The following CHSY3 variants were observed in gnomAD, a reference collection of about 807,000 sequenced individuals.
CHSY3 encodes chondroitin sulfate synthase 3, also known as N-acetylgalactosaminyl-proteoglycan 3-beta-glucuronosyltransferase 3.
Under a neutral mutation model 67.2 loss-of-function variants are expected in CHSY3, and 35 were observed. The ratio of observed to expected loss-of-function variants is 0.52; its 90% confidence interval spans 0.40 to 0.69. CHSY3 has a LOEUF of 0.69. Ranked by LOEUF, CHSY3 falls within the 30% of genes least tolerant of loss-of-function variation. The pLI is 0.00. For missense variants in CHSY3, 1,069 were observed against 1,138.5 expected (o/e 0.94, Z 0.88); for synonymous variants, 474 against 434.7 (o/e 1.09, Z -1.12).
At chr5:130,000,677 A>G (rs917587860) in intron 2 of CHSY3, among the ~76,000 whole-genome samples, 8 of 142,130 alleles carry the variant, frequency 5.6e-5, no homozygotes, top group Admixed American at 1.4e-4. Flanking sequence ...GCCTCAAGCC[A>G]TCCTCTCACC....
At chr5:130,126,218 C>T (rs867754404) in intron 2 of CHSY3, among the ~76,000 whole-genome samples, 1 of 151,668 alleles carries the variant, frequency 6.6e-6, no homozygotes, top group Non-Finnish European at 1.5e-5. Flanking sequence ...GATTTCCTGC[C>T]GAATGGCCTC....
intron 2 of CHSY3, among the ~76,000 whole-genome samples, chr5:129,990,066 C>A (rs1763316049): frequency 6.6e-6 from 1 of 151,864 alleles, no homozygotes; most frequent in African/African-American, 2.4e-5. Flanking sequence ...ATGATTAAAT[C>A]TTTTATTCCC....
intron 2 of CHSY3, among the ~76,000 whole-genome samples, chr5:130,110,883 T>C (rs1767572442): frequency 6.6e-6 from 1 of 151,896 alleles, no homozygotes; most frequent in South Asian, 2.1e-4. Flanking sequence ...GAACAGTCTT[T>C]TGCTTTTGTT....
intron 2 of CHSY3, among the ~76,000 whole-genome samples, chr5:130,062,137 C>T (rs1765734839): frequency 6.6e-6 from 1 of 151,954 alleles, no homozygotes; most frequent in Admixed American, 6.6e-5. Context: ...AGTGATAGAA[C>T]CAACCTAAGT....
chr5:130,018,524 T>A (rs939798647), intron 2 of CHSY3, among the ~76,000 whole-genome samples: 4 of 152,236 alleles, frequency 2.6e-5, no homozygotes, highest in African/African-American at 9.6e-5. Flanking sequence ...GCTGTGGCTT[T>A]TATGCTTCTA....
At chr5:130,042,272 C>T (rs1198331759) in intron 2 of CHSY3, among the ~76,000 whole-genome samples, 2 of 152,050 alleles carry the variant, frequency 1.3e-5, no homozygotes, top group African/African-American at 4.8e-5. Context: ...TACAGGATAT[C>T]ATTGCTACCT....
rs1425012993 is a variant in CHSY3, at chr5:129,908,332, G to T, written c.1058G>T (p.Gly353Val). 8.1e-6 allele frequency: 13 copies of T among 1,613,900 alleles called. No individual in the cohort carries two copies. Among genetic ancestry groups the T allele is most frequent in the Non-Finnish European group, 1.1e-5 (13 of 1,179,886 alleles). ...GTAGGAAGATGCGTTCGCCGTTTTG[G>T]TGGGACTCAGTGTGTCTGGTCTTAC... Reference protein sequence around the residue: ...VEVGRCVRRFGGTQCVWSYEM... With the variant: ...VEVGRCVRRFVGTQCVWSYEM... The change falls in exon 2 of 3, where the codon GGT becomes GTT. Residue 353 changes from glycine to valine, a missense_variant. Around this residue, in one of 5 missense-constraint regions of CHSY3, gnomAD observed 216 missense variants for 311.5 expected, o/e 0.69. Transcript: ENST00000305031.
intron 2 of CHSY3, among the ~76,000 whole-genome samples, chr5:130,080,037 TACACACAC>T (rs35994744): frequency 6.3e-5 from 9 of 143,416 alleles, no homozygotes; most frequent in African/African-American, 1.3e-4. Flanking sequence ...CACCTGAACA[TACACACAC>T]ACACACACAC....
intron 2 of CHSY3, chr5:130,140,624 G>T: frequency 2.4e-6 from 1 of 411,552 alleles, no homozygotes. Context: ...CCTGGGAGAT[G>T]GCACTTTTGA....
chr5:130,099,806 AAT>A (rs1767169150), intron 2 of CHSY3, among the ~76,000 whole-genome samples: 1 of 152,204 alleles, frequency 6.6e-6, no homozygotes, highest in Non-Finnish European at 1.5e-5. Flanking sequence ...TATGGCACAT[AAT>A]ATGTCAGTCC....
Position 130,185,593 on chromosome 5 carries a change from T to A in CHSY3, c.2451T>A (p.Ser817=), listed in dbSNP as rs1259319254. The change falls in exon 3 of 3, where the codon TCT becomes TCA. Residue 817 remains serine, a synonymous_variant. Transcript: ENST00000305031. ...ATCTCTACAATAAAGTCATTCTATCTGGCTTAAGGCCATTCAGAAGCCAAG... is the reference window on the plus strand; with the variant it reads ...ATCTCTACAATAAAGTCATTCTATCAGGCTTAAGGCCATTCAGAAGCCAAG... ...DVDLYNKVIL[S]GLRPFRSQEV... The A allele has an allele frequency of 3.1e-6, 5 of 1,613,316 alleles. No individual in the cohort carries two copies. The highest frequency in any genetic ancestry group is 4.2e-6 in the Non-Finnish European group (5 of 1,179,706).
intron 2 of CHSY3, among the ~76,000 whole-genome samples, chr5:130,013,469 A>G (rs888629636): frequency 6.6e-6 from 1 of 152,106 alleles, no homozygotes; most frequent in Non-Finnish European, 1.5e-5. Context: ...AGGCATTTCC[A>G]TACATCCTCT....
rs189979718 is a variant in CHSY3, at chr5:129,941,124, C to T, written c.1086+32764C>T. On this transcript the variant is annotated intron_variant, in intron 2 of 2. Coordinates refer to ENST00000305031, the MANE Select transcript of CHSY3 (RefSeq NM_175856.5). ...TGATCCCATGTGGTCCCAGCTATTC[C>T]GGAGGCTGAAGTGAGAGGATTGCAT... Among the ~76,000 whole-genome samples the T allele has an allele frequency of 5.3e-4, 80 of 152,154 alleles. 1 individual carries two copies. The highest frequency in any genetic ancestry group is 4.8e-3 in the Admixed American group (73 of 15,276).
intron 2 of CHSY3, among the ~76,000 whole-genome samples, chr5:130,046,144 A>G (rs939920189): frequency 1.6e-4 from 24 of 152,154 alleles, no homozygotes; most frequent in Non-Finnish European, 7.3e-5. Flanking sequence ...AGGCTACTTT[A>G]TTAATATCAC....
At chr5:129,945,701 A>T (rs1216158353) in intron 2 of CHSY3, among the ~76,000 whole-genome samples, 2 of 152,136 alleles carry the variant, frequency 1.3e-5, no homozygotes, top group Non-Finnish European at 2.9e-5. Flanking sequence ...AGGATTTCTC[A>T]CTTATTTTTT....
At chr5:130,113,111 C>A (rs7446323) in intron 2 of CHSY3, among the ~76,000 whole-genome samples, 6 of 27,822 alleles carry the variant, frequency 2.2e-4, no homozygotes, top group Admixed American at 1.5e-3. Context: ...TGATATAATA[C>A]GTGTGTGTGT....
chr5:129,995,595 G>A lies in CHSY3; in HGVS notation c.1086+87235G>A, dbSNP rs116773112. ...TGTGTACTTTTAAGAAAAGTAGTGCGCATGTATTAAGGTTCTTCGTTCCTT... is the reference window on the plus strand; with the variant it reads ...TGTGTACTTTTAAGAAAAGTAGTGCACATGTATTAAGGTTCTTCGTTCCTT... On this transcript the variant is annotated intron_variant, in intron 2 of 2. Coordinates refer to ENST00000305031, the MANE Select transcript of CHSY3 (RefSeq NM_175856.5). Among the ~76,000 whole-genome samples, 1,429 of 150,852 alleles carry A rather than the reference G, an allele frequency of 9.5e-3. 19 individuals carry two copies. The highest frequency in any genetic ancestry group is 0.033 in the African/African-American group (1,338 of 41,082).
chr5:130,077,615 G>T (rs1766310775), intron 2 of CHSY3, among the ~76,000 whole-genome samples: 1 of 152,048 alleles, frequency 6.6e-6, no homozygotes. Context: ...ATTTCTCAAT[G>T]CATATAATAT....
intron 2 of CHSY3, among the ~76,000 whole-genome samples, chr5:130,166,953 G>T (rs2149730832): frequency 6.6e-6 from 1 of 152,120 alleles, no homozygotes; most frequent in South Asian, 2.1e-4. Context: ...TATTGCCCAT[G>T]ATCCACATCA....
Sources: gnomAD v4.1 joint callset for allele counts (sites outside exome capture counted in the v4.1 genomes callset) on GRCh38, gnomAD v4.1.1 for gene constraint, gnomAD v4.1.1 regional missense constraint, MANE v1.5 for transcripts, NCBI Gene and HGNC (gene_info 2026-07-23, HGNC 2026-07-21) for gene names.